Variants in C1QA observed in about 807,000 individuals in gnomAD.
The protein encoded by C1QA is complement C1q subcomponent subunit A.
Under a neutral mutation model 6.9 loss-of-function variants are expected in C1QA, and 3 were observed. The observed-to-expected ratio is 0.44, with a 90% CI of 0.20 to 1.12. The LOEUF is 1.12. Ranked by LOEUF, C1QA falls within the 50% of genes most tolerant of loss-of-function variation. The pLI, the probability that C1QA is intolerant of heterozygous loss-of-function variation, is 0.27. For synonymous variants in C1QA, 128 were observed against 134.1 expected (o/e 0.95, Z 0.31); for missense variants, 273 against 326.6 (o/e 0.84, Z 1.26).
In C1QA at chr1:22,637,287, A is replaced by G. The variant is rs1642195488; in HGVS notation, c.-7-323A>G. Among the ~76,000 whole-genome samples, 1 of 152,130 alleles carries G rather than the reference A, an allele frequency of 6.6e-6. No individual in the cohort carries two copies. Among genetic ancestry groups the G allele is most frequent in the Non-Finnish European group, 1.5e-5 (1 of 68,014 alleles). ...AGTGAGGGACAGGGTCTATTTGGGT[A>G]TCAGTTGTGTGTCTAGGGGGGTATA... On this transcript the variant is annotated intron_variant, in intron 1 of 2. Coordinates refer to ENST00000374642, the MANE Select transcript of C1QA (RefSeq NM_015991.4). The surrounding 1 kb of genome is among the most constrained non-coding windows in gnomAD (Gnocchi z 4.4).
rs1642195094 is a variant in C1QA at position 22,637,265 on chromosome 1, G to A, written c.-7-345G>A. ...TATGAATGTGTGTGTCCGTGCAAGT[G>A]AGGGACAGGGTCTATTTGGGTATCA... On this transcript the variant is annotated intron_variant, in intron 1 of 2. Coordinates refer to ENST00000374642, the MANE Select transcript of C1QA (RefSeq NM_015991.4). This position sits in a 1 kb window ranked among gnomAD's most constrained non-coding sequence, Gnocchi z 4.4. Among the ~76,000 whole-genome samples the A allele has an allele frequency of 6.6e-6, 1 of 152,226 alleles. No individual in the cohort carries two copies. Among genetic ancestry groups the A allele is most frequent in the South Asian group, 2.1e-4 (1 of 4,830 alleles).
At position 22,637,805 on chromosome 1, in the gene C1QA, C is replaced by T. The variant is rs747014212; in HGVS notation, c.163+26C>T. On this transcript the variant is annotated intron_variant, in intron 2 of 2. Coordinates refer to ENST00000374642, the MANE Select transcript of C1QA (RefSeq NM_015991.4). The surrounding 1 kb of genome is among the most constrained non-coding windows in gnomAD (Gnocchi z 4.4). Reference sequence around the variant, plus strand: ...GTAAGCACCCTTCCTCGGGACCCAGCCCCTTGGACCTTGGCCTGACTTGGC... The same window carrying T: ...GTAAGCACCCTTCCTCGGGACCCAGTCCCTTGGACCTTGGCCTGACTTGGC... The T allele has an allele frequency of 5.8e-6, 9 of 1,543,894 alleles. No individual in the cohort carries two copies. The South Asian group carries it at 9.6e-5, about 16-fold the overall frequency.
Position 22,637,919 on chromosome 1 carries a change from C to A in C1QA, c.163+140C>A. 2 of 1,203,758 alleles carry A rather than the reference C, an allele frequency of 1.7e-6. No individual in the cohort carries two copies. The highest frequency in any genetic ancestry group is 1.6e-5 in the South Asian group (1 of 64,214). 74.6% of individuals were successfully genotyped at this position (1,203,758 alleles called of 1,614,324 possible). On this transcript the variant is annotated intron_variant, in intron 2 of 2. Coordinates refer to ENST00000374642, the MANE Select transcript of C1QA (RefSeq NM_015991.4). This position sits in a 1 kb window ranked among gnomAD's most constrained non-coding sequence, Gnocchi z 4.4. ...GAATCCTCTCCAGTTTGTACTTGGC[C>A]ACAGGGGCTAAGGGAGGCCTAGCCT...
rs367674617 is a variant in C1QA, at chr1:22,639,251, C to A, written c.582C>A (p.Asn194Lys). Residue 194 changes from asparagine (N) to lysine (K), a missense_variant, in exon 3 of 3, where the codon AAC becomes AAA. Coordinates refer to ENST00000374642, the MANE Select transcript of C1QA (RefSeq NM_015991.4). The surrounding 1 kb of genome is among the most constrained non-coding windows in gnomAD (Gnocchi z 4.6). ...CCCTGGGCTTCTGTGACACCACCAA[C>A]AAGGGGCTCTTCCAGGTGGTGTCAG... ...RRSLGFCDTT[N>K]KGLFQVVSGG... 30 of 1,614,132 alleles carry A rather than the reference C, an allele frequency of 1.9e-5. No homozygotes were observed. The highest frequency in any genetic ancestry group is 2.5e-5 in the Non-Finnish European group (30 of 1,180,048).
chr1:22,637,659 AT>A lies in C1QA; in HGVS notation c.44del (p.Ile15AsnfsTer7), dbSNP rs1231381548. 6.2e-7 allele frequency: 1 copy of A among 1,614,096 alleles called. No individual in the cohort carries two copies. Among genetic ancestry groups the A allele is most frequent in the South Asian group, 1.1e-5 (1 of 91,080 alleles). On this transcript the variant is annotated frameshift_variant, in exon 2 of 3. Transcript: ENST00000374642. LOFTEE classifies it high-confidence loss of function. This position sits in a 1 kb window ranked among gnomAD's most constrained non-coding sequence, Gnocchi z 4.4. ...ATGGCTGGTGCTCTGTGTGCTGGCC[AT>A]ATCGCTGGCCTCTATGGTGACCGAG... ...RGWLVLCVLA[I>X]SLASMVTEDL...
At chr1:22,636,475 G>C (rs1236034471), upstream of C1QA, 1 of 152,316 alleles carries the variant, frequency 6.6e-6, no homozygotes, top group Non-Finnish European at 1.5e-5. Context: ...TCCCACACCA[G>C]CTGTTGCTGG....
chr1:22,638,934 G>T lies in C1QA; in HGVS notation c.265G>T (p.Gly89Cys), dbSNP rs749595647. The T allele has an allele frequency of 6.3e-7, 1 of 1,598,100 alleles. No homozygotes were observed. The highest frequency in any genetic ancestry group is 1.1e-5 in the South Asian group (1 of 88,776). The change falls in exon 3 of 3, where the codon GGC becomes TGC. Residue 89 changes from glycine to cysteine, a missense_variant. By Grantham distance (159) the Gly-to-Cys change is radical (BLOSUM62 -3). Coordinates refer to ENST00000374642, the MANE Select transcript of C1QA (RefSeq NM_015991.4). Reference sequence around the variant, plus strand: ...CAAGGTGGGCTACCCAGGGCCCAGCGGCCCCCTCGGAGCCCGTGGCATCCC... The same window carrying T: ...CAAGGTGGGCTACCCAGGGCCCAGCTGCCCCCTCGGAGCCCGTGGCATCCC... The part of the protein sequence containing the change: ...PGKVGYPGPS[G>C]PLGARGIPGI...
At position 22,639,380 on chromosome 1, in the gene C1QA, C is replaced by CGGCTT; in HGVS notation, c.712_716dup (p.Phe239LeufsTer45). 6.2e-7 allele frequency: 1 copy of CGGCTT among 1,613,828 alleles called. No individual in the cohort carries two copies. Among genetic ancestry groups the CGGCTT allele is most frequent in the Non-Finnish European group, 8.5e-7 (1 of 1,180,024 alleles). On this transcript the variant is annotated frameshift_variant, in exon 3 of 3. Coordinates refer to ENST00000374642, the MANE Select transcript of C1QA (RefSeq NM_015991.4). LOFTEE classifies it high-confidence loss of function. The surrounding 1 kb of genome is among the most constrained non-coding windows in gnomAD (Gnocchi z 4.6). ...GCTCTGAGGCCGACAGCGTCTTCAG[C>CGGCTT]GGCTTCCTCATCTTCCCATCTGCCT...
rs759104463 is a variant in C1QA at position 22,637,725 on chromosome 1, G to A, written c.109G>A (p.Gly37Arg). 1 of 1,612,360 alleles carries A rather than the reference G, an allele frequency of 6.2e-7. No individual in the cohort carries two copies. The highest frequency in any genetic ancestry group is 1.1e-5 in the South Asian group (1 of 90,738). Residue 37 changes from glycine (G) to arginine (R), a missense_variant, in exon 2 of 3, where the codon GGA (glycine) becomes AGA (arginine). Physicochemically the swap from Gly to Arg is moderately radical, Grantham distance 125. Coordinates refer to ENST00000374642, the MANE Select transcript of C1QA (RefSeq NM_015991.4). The surrounding 1 kb of genome is among the most constrained non-coding windows in gnomAD (Gnocchi z 4.4). ...ACCAGACGGGAAGAAAGGGGAGGCA[G>A]GAAGACCTGGCAGACGGGGGCGGCC... ...RAPDGKKGEA[G>R]RPGRRGRPGL... is the part of the protein sequence containing the mutation.
rs1370909046 is a variant in C1QA, at chr1:22,639,056, C to T, written c.387C>T (p.Asn129=). ...AIRRNPPMGG[N]VVIFDTVITN... ...GGCGGAACCCCCCAATGGGGGGCAACGTGGTCATCTTCGACACGGTCATCA... is the reference window on the plus strand; with the variant it reads ...GGCGGAACCCCCCAATGGGGGGCAATGTGGTCATCTTCGACACGGTCATCA... The change falls in exon 3 of 3, where the codon AAC becomes AAT. Residue 129 remains asparagine, a synonymous_variant. Coordinates refer to ENST00000374642, the MANE Select transcript of C1QA (RefSeq NM_015991.4). The surrounding 1 kb of genome is among the most constrained non-coding windows in gnomAD (Gnocchi z 4.6). 1.2e-6 allele frequency: 2 copies of T among 1,614,246 alleles called. No individual in the cohort carries two copies. The highest frequency in any genetic ancestry group is 1.6e-4 in the Middle Eastern group (1 of 6,062).
Position 22,637,551 on chromosome 1 carries a change from G to A in C1QA, c.-7-59G>A. 1 of 1,592,482 alleles carries A rather than the reference G, an allele frequency of 6.3e-7. No homozygotes were observed. The highest frequency in any genetic ancestry group is 8.6e-7 in the Non-Finnish European group (1 of 1,165,602). On this transcript the variant is annotated intron_variant, in intron 1 of 2. Transcript: ENST00000374642. The surrounding 1 kb of genome is among the most constrained non-coding windows in gnomAD (Gnocchi z 4.4). ...ATCATTGTGTGCATGGGACTCAAGG[G>A]TGGGAGCTGGGTGTGAGTGTGATGT...
chr1:22,638,279 C>T (rs1243258760), intron 2 of C1QA, among the ~76,000 whole-genome samples: 1 of 152,116 alleles, frequency 6.6e-6, no homozygotes, highest in Non-Finnish European at 1.5e-5. Flanking sequence ...CCTTCCAGCA[C>T]CCCCAACACT....
In C1QA at chr1:22,637,113, G is replaced by A. The variant is rs564519303; in HGVS notation, c.-8+411G>A. Among the ~76,000 whole-genome samples the A allele has an allele frequency of 1.3e-5, 2 of 152,332 alleles. No individual in the cohort carries two copies. Among genetic ancestry groups the A allele is most frequent in the African/African-American group, 4.8e-5 (2 of 41,568 alleles). On this transcript the variant is annotated intron_variant, in intron 1 of 2. Coordinates refer to ENST00000374642, the MANE Select transcript of C1QA (RefSeq NM_015991.4). This position sits in a 1 kb window ranked among gnomAD's most constrained non-coding sequence, Gnocchi z 4.4. ...GCATGCAGAAGAGTGAGCAGGTGTC[G>A]CTTTGGGCGTTTGTGAATTCCTGTG... is the stretch of plus-strand genomic sequence containing the variant.
intron 2 of C1QA, among the ~76,000 whole-genome samples, chr1:22,638,388 G>A (rs570295219): frequency 5.3e-5 from 8 of 152,300 alleles, no homozygotes; most frequent in African/African-American, 1.9e-4. Context: ...CCTGACCAAA[G>A]TAGAAAGGGA....
rs1296115202 is a variant in C1QA at position 22,637,785 on chromosome 1, C to T, written c.163+6C>T. The T allele has an allele frequency of 7.0e-6, 11 of 1,564,808 alleles. No individual in the cohort carries two copies. The Admixed American group carries it at 1.9e-4, about 27-fold the overall frequency. On this transcript the variant is annotated splice_donor_region_variant and intron_variant, in intron 2 of 2. Transcript: ENST00000374642. The surrounding 1 kb of genome is among the most constrained non-coding windows in gnomAD (Gnocchi z 4.4). ...GGGGGAGCAAGGGGAGCCGGGTAAG[C>T]ACCCTTCCTCGGGACCCAGCCCCTT... is the stretch of plus-strand genomic sequence containing the variant.
chr1:22,637,924 G>A lies in C1QA; in HGVS notation c.163+145G>A. On this transcript the variant is annotated intron_variant, in intron 2 of 2. Transcript: ENST00000374642. This position sits in a 1 kb window ranked among gnomAD's most constrained non-coding sequence, Gnocchi z 4.4. Reference sequence around the variant, plus strand: ...CTCTCCAGTTTGTACTTGGCCACAGGGGCTAAGGGAGGCCTAGCCTTCTCG... The same window carrying A: ...CTCTCCAGTTTGTACTTGGCCACAGAGGCTAAGGGAGGCCTAGCCTTCTCG... 2 of 1,162,676 alleles carry A rather than the reference G, an allele frequency of 1.7e-6. No individual in the cohort carries two copies. The highest frequency in any genetic ancestry group is 2.4e-6 in the Non-Finnish European group (2 of 847,118). 72.0% of individuals were successfully genotyped at this position (1,162,676 alleles called of 1,614,324 possible). A position where few individuals can be genotyped will look rare whatever the true frequency, so the allele number is the denominator to read the frequency against.
chr1:22,637,109 T>C lies in C1QA; in HGVS notation c.-8+407T>C, dbSNP rs1159814566. Among the ~76,000 whole-genome samples, 1 of 152,204 alleles carries C rather than the reference T, an allele frequency of 6.6e-6. No homozygotes were observed. Among genetic ancestry groups the C allele is most frequent in the Non-Finnish European group, 1.5e-5 (1 of 68,042 alleles). ...CTGAGCATGCAGAAGAGTGAGCAGG[T>C]GTCGCTTTGGGCGTTTGTGAATTCC... On this transcript the variant is annotated intron_variant, in intron 1 of 2. Coordinates refer to ENST00000374642, the MANE Select transcript of C1QA (RefSeq NM_015991.4). This position sits in a 1 kb window ranked among gnomAD's most constrained non-coding sequence, Gnocchi z 4.4.
Position 22,637,223 on chromosome 1 carries a change from G to A in C1QA, c.-7-387G>A, listed in dbSNP as rs543136291. ...CAATACATATTTGTTCAATGAAATC[G>A]ATTACCTGTGGGAGTGTATGAATGT... On this transcript the variant is annotated intron_variant, in intron 1 of 2. Coordinates refer to ENST00000374642, the MANE Select transcript of C1QA (RefSeq NM_015991.4). This position sits in a 1 kb window ranked among gnomAD's most constrained non-coding sequence, Gnocchi z 4.4. 1.3e-5 allele frequency among the ~76,000 whole-genome samples: 2 copies of A among 152,332 alleles called. No homozygotes were observed. The highest frequency in any genetic ancestry group is 2.1e-4 in the South Asian group (1 of 4,824).
Position 22,639,461 on chromosome 1 carries a change from G to T in C1QA, c.*54G>T. 6.3e-7 allele frequency: 1 copy of T among 1,589,744 alleles called. No individual in the cohort carries two copies. The highest frequency in any genetic ancestry group is 8.6e-7 in the Non-Finnish European group (1 of 1,168,700). Reference sequence around the variant, plus strand: ...CCTCTCTGGCTTCCATGCTCCGCCTGTAAAATGGGGGCGCTATTGCTTCAG... The same window carrying T: ...CCTCTCTGGCTTCCATGCTCCGCCTTTAAAATGGGGGCGCTATTGCTTCAG... On this transcript the variant is annotated 3_prime_UTR_variant, in exon 3 of 3. Transcript: ENST00000374642. The surrounding 1 kb of genome is among the most constrained non-coding windows in gnomAD (Gnocchi z 4.6).
Sources: allele counts gnomAD v4.1 joint callset (sites outside exome capture counted in the v4.1 genomes callset), GRCh38; gene constraint gnomAD v4.1.1; non-coding constraint Gnocchi (gnomAD v3.1); transcripts MANE v1.5; gene names NCBI Gene and HGNC (gene_info 2026-07-23, HGNC 2026-07-21).